Variants in RARB observed in about 807,000 individuals in gnomAD.
RARB encodes retinoic acid receptor beta.
RARB carries 17 observed loss-of-function variants against 51.9 expected under a neutral mutation model. The ratio of observed to expected loss-of-function variants is 0.33; its 90% CI spans 0.22 to 0.49. The LOEUF (loss-of-function observed/expected upper bound fraction) is 0.49. Ranked by LOEUF, RARB falls within the 20% of genes least tolerant of loss-of-function variation. The probability of loss-of-function intolerance (pLI) is 0.99; values close to 1 mark genes in which losing one functional copy is unlikely to be tolerated. For missense variants in RARB, 369 were observed against 550.8 expected (o/e 0.67, Z 3.30); for synonymous variants, 215 against 195.4 (o/e 1.10, Z -0.84).
At chr3:25,070,739 G>A (rs1698750825) in intron 3 of RARB, among the ~76,000 whole-genome samples, 1 of 152,154 alleles carries the variant, frequency 6.6e-6, no homozygotes, top group African/African-American at 2.4e-5. Context: ...TGTTTTTTAT[G>A]GAGCTTACAT....
At chr3:24,969,530 T>C (rs1304347443) in intron 2 of RARB, among the ~76,000 whole-genome samples, 1 of 152,132 alleles carries the variant, frequency 6.6e-6, no homozygotes, top group Non-Finnish European at 1.5e-5. Context: ...GCTCAATCTC[T>C]GTATAATTTT....
rs866803899 is a variant in RARB at position 25,143,244 on chromosome 3, A to C, written c.-280+11036A>C. On this transcript the variant is annotated intron_variant, in intron 4 of 11. Coordinates refer to the RARB transcript ENST00000383772. ...TAGCAGCTGGTAACACGTTGAGGCA[A>C]ATTGCAAGAGGCAGCTACTAAGCTT... is the stretch of plus-strand genomic sequence containing the variant. 3.3e-5 allele frequency among the ~76,000 whole-genome samples: 5 copies of C among 152,314 alleles called. 1 individual carries two copies. In the South Asian group the frequency reaches 1.0e-3, roughly 32 times the overall value.
chr3:25,309,266 C>T (rs563798796), intron 5 of RARB, among the ~76,000 whole-genome samples: 1 of 148,930 alleles, frequency 6.7e-6, no homozygotes, highest in African/African-American at 2.5e-5. Context: ...TCAGCCTCAA[C>T]TGAGACTACA....
intron 4 of RARB, among the ~76,000 whole-genome samples, chr3:25,577,085 A>G (rs1203133673): frequency 7.9e-5 from 12 of 152,204 alleles, no homozygotes; most frequent in Middle Eastern, 3.2e-3. Flanking sequence ...GGAGTCAGGA[A>G]GTTCTAACCA....
intron 3 of RARB, among the ~76,000 whole-genome samples, chr3:25,061,040 T>C (rs1698538386): frequency 1.3e-5 from 2 of 151,954 alleles, no homozygotes; most frequent in Admixed American, 6.6e-5. Context: ...TTTCAAACTG[T>C]TGGGAAAGGT....
chr3:24,853,941 C>T (rs780684333), intron 1 of RARB, among the ~76,000 whole-genome samples: 3 of 152,104 alleles, frequency 2.0e-5, no homozygotes, highest in South Asian at 2.1e-4. Context: ...CAAGACCCAC[C>T]GATTCCCAAT....
intron 2 of RARB, among the ~76,000 whole-genome samples, chr3:25,027,126 A>C (rs1604003): frequency 0.68 from 102,896 of 152,092 alleles, 35,119 homozygotes; most frequent in East Asian, 0.87. Flanking sequence ...TGCCATTAGG[A>C]ATGGAAAAGA....
At chr3:24,837,726 C>T (rs1044472724) in intron 1 of RARB, among the ~76,000 whole-genome samples, 7 of 152,206 alleles carry the variant, frequency 4.6e-5, no homozygotes, top group Middle Eastern at 3.4e-3. Flanking sequence ...TCTAAATCAC[C>T]AGAATTGGCT....
chr3:25,314,039 C>G (rs1355248783), intron 5 of RARB, among the ~76,000 whole-genome samples: 1 of 151,984 alleles, frequency 6.6e-6, no homozygotes, highest in Non-Finnish European at 1.5e-5. Flanking sequence ...CCACTGCACT[C>G]CAGCCTGGGT....
intron 4 of RARB, among the ~76,000 whole-genome samples, chr3:25,572,622 G>A (rs554918373): frequency 2.0e-5 from 3 of 152,138 alleles, no homozygotes; most frequent in Admixed American, 1.3e-4. Flanking sequence ...GGCCATTGGC[G>A]GCATCTAGCT....
chr3:24,906,715 G>C (rs1694873699), intron 2 of RARB, among the ~76,000 whole-genome samples: 1 of 151,560 alleles, frequency 6.6e-6, no homozygotes, highest in Non-Finnish European at 1.5e-5. Flanking sequence ...CATGGTGGCG[G>C]GTGCCTGCAA....
Position 24,844,423 on chromosome 3 carries a change from C to T in RARB, c.-458-14251C>T, listed in dbSNP as rs182614637. Among the ~76,000 whole-genome samples, 60 of 152,308 alleles carry T rather than the reference C, an allele frequency of 3.9e-4. No homozygotes were observed. The Middle Eastern group carries it at 0.01, about 26-fold the overall frequency. ...CTGCACCAGGATTATAATTTTCCCA[C>T]GTCTGCAACTAACCTGTTAATGTCT... On this transcript the variant is annotated intron_variant, in intron 1 of 11. Transcript: ENST00000383772.
intron 1 of RARB, among the ~76,000 whole-genome samples, chr3:25,449,287 C>A (rs141763893): frequency 1.6e-3 from 242 of 152,150 alleles, no homozygotes; most frequent in African/African-American, 5.6e-3. Flanking sequence ...AGGGAACATG[C>A]AGAAGGGGTT....
intron 4 of RARB, among the ~76,000 whole-genome samples, chr3:25,154,756 C>T (rs576859454): frequency 6.6e-6 from 1 of 152,208 alleles, no homozygotes; most frequent in African/African-American, 2.4e-5. Context: ...GCAGAAGGCC[C>T]TTGCCCAGTT....
At chr3:25,101,601 A>G (rs1373463788) in intron 3 of RARB, among the ~76,000 whole-genome samples, 1 of 150,942 alleles carries the variant, frequency 6.6e-6, no homozygotes, top group Non-Finnish European at 1.5e-5. Flanking sequence ...TATTTTGTGT[A>G]GTTATATCAA....
chr3:25,447,796 C>G (rs986675390), intron 1 of RARB, among the ~76,000 whole-genome samples: 3 of 152,012 alleles, frequency 2.0e-5, no homozygotes, highest in African/African-American at 7.3e-5. Flanking sequence ...ACATGACTTG[C>G]TTTCCTCACA....
At chr3:25,204,254 G>T (rs550638886) in intron 5 of RARB, among the ~76,000 whole-genome samples, 1 of 152,050 alleles carries the variant, frequency 6.6e-6, no homozygotes, top group East Asian at 1.9e-4. Flanking sequence ...TGTAGTTCTC[G>T]TGCCACGGTT....
chr3:25,563,428 A>G (rs182996089), intron 3 of RARB, among the ~76,000 whole-genome samples: 67 of 152,246 alleles, frequency 4.4e-4, no homozygotes, highest in Middle Eastern at 3.4e-3. Flanking sequence ...ATTTGTTCCA[A>G]TTTCAACTGG....
intron 3 of RARB, among the ~76,000 whole-genome samples, chr3:25,130,646 A>G (rs747144704): frequency 6.6e-6 from 1 of 151,446 alleles, no homozygotes; most frequent in Non-Finnish European, 1.5e-5. Flanking sequence ...GGTGTGGGGG[A>G]ATTTGCCTTC....
Sources: gnomAD v4.1 joint callset for allele counts (sites outside exome capture counted in the v4.1 genomes callset) on GRCh38, gnomAD v4.1.1 for gene constraint, MANE v1.5 for transcripts, NCBI Gene and HGNC (gene_info 2026-07-23, HGNC 2026-07-21) for gene names.